SAAL1: variants seen among roughly 807,000 people sequenced by gnomAD.
SAAL1 encodes the protein serum amyloid A like 1.
In SAAL1, 42 loss-of-function variants were observed where a neutral mutation model predicts 59.8. The observed-to-expected ratio is 0.70, with a 90% CI of 0.55 to 0.91. The LOEUF (loss-of-function observed/expected upper bound fraction) is 0.91, where lower values mean the gene tolerates loss of function less well. Among genes scored for constraint, SAAL1 ranks in the 40% least tolerant of loss-of-function variants. SAAL1 has a pLI of 0.00. For missense variants in SAAL1, 542 were observed against 561.1 expected, an observed-to-expected ratio of 0.97 and a Z score of 0.34; for synonymous variants, 191 against 194.3, an observed-to-expected ratio of 0.98 and a Z score of 0.14.
At chr11:18,085,906 T>C (rs1250674366) in intron 9 of SAAL1, among the ~76,000 whole-genome samples, 1 of 152,208 alleles carries the variant, frequency 6.6e-6, no homozygotes, top group Non-Finnish European at 1.5e-5. Flanking sequence ...AAAGCCACAC[T>C]TCACATGTGA....
At chr11:18,104,008 C>T (rs2134067359) in intron 1 of SAAL1, among the ~76,000 whole-genome samples, 1 of 152,280 alleles carries the variant, frequency 6.6e-6, no homozygotes, top group East Asian at 1.9e-4. Context: ...GAATAATTAT[C>T]TTGTTTTTAT....
chr11:18,105,756 G>A lies in SAAL1; in HGVS notation c.135+151C>T, dbSNP rs530472144. 26 of 1,016,160 alleles carry A rather than the reference G, an allele frequency of 2.6e-5. No individual in the cohort carries two copies. The South Asian group carries it at 5.2e-4, about 20-fold the overall frequency. 62.9% of individuals were successfully genotyped at this position (1,016,160 alleles called of 1,614,324 possible). A position where few individuals can be genotyped will look rare whatever the true frequency, so the allele number is the denominator to read the frequency against. On this transcript the variant is annotated intron_variant, in intron 1 of 11. Coordinates refer to ENST00000524803, the MANE Select transcript of SAAL1 (RefSeq NM_138421.3). Reference sequence around the variant, plus strand: ...ATAGTTTTGGGGTCCGCAGCGGCCGGCGAAACGCAAGGAGCAAGGTCCCGC... The same window carrying A: ...ATAGTTTTGGGGTCCGCAGCGGCCGACGAAACGCAAGGAGCAAGGTCCCGC...
intron 1 of SAAL1, among the ~76,000 whole-genome samples, chr11:18,104,032 A>G (rs1848663344): frequency 6.6e-6 from 1 of 152,168 alleles, no homozygotes; most frequent in South Asian, 2.1e-4. Context: ...CCTTTCCTAA[A>G]CGTATTATAG....
At chr11:18,088,466 A>C (rs1388405986) in intron 7 of SAAL1, among the ~76,000 whole-genome samples, 3 of 152,200 alleles carry the variant, frequency 2.0e-5, no homozygotes, top group African/African-American at 7.2e-5. Flanking sequence ...ACTTTGCAAA[A>C]ACAGCTTTAA....
At chr11:18,100,821 AT>A (rs1848626102) in intron 2 of SAAL1, among the ~76,000 whole-genome samples, 1 of 152,246 alleles carries the variant, frequency 6.6e-6, no homozygotes. Context: ...AAGCAAAAAA[AT>A]AAACTTCATC....
At position 18,096,836 on chromosome 11, in the gene SAAL1, G is replaced by T; in HGVS notation, c.268C>A (p.Gln90Lys). The T allele has an allele frequency of 6.3e-7, 1 of 1,578,364 alleles. No homozygotes were observed. The highest frequency in any genetic ancestry group is 1.7e-4 in the Middle Eastern group (1 of 5,994). ...SMDEDVALFL[Q>K]EFNAPDIFMG... is the part of the protein sequence containing the mutation. Reference sequence around the variant, plus strand: ...AATATATCAGGAGCATTAAATTCTTGGAGAAATAAAGCCACGTCCTGAAAA... The same window carrying T: ...AATATATCAGGAGCATTAAATTCTTTGAGAAATAAAGCCACGTCCTGAAAA... Residue 90 changes from glutamine to lysine, a missense_variant, in exon 3 of 12, where the codon CAA becomes AAA. Transcript: ENST00000524803.
chr11:18,093,047 C>T (rs866766479), intron 3 of SAAL1, among the ~76,000 whole-genome samples: 1 of 152,110 alleles, frequency 6.6e-6, no homozygotes, highest in Admixed American at 6.5e-5. Context: ...AATCTTGCAC[C>T]GTCTCACCCA....
chr11:18,098,826 T>C (rs117402174), intron 2 of SAAL1, among the ~76,000 whole-genome samples: 1,556 of 152,378 alleles, frequency 0.01, 9 homozygotes, highest in Middle Eastern at 0.024. Flanking sequence ...TTAATGGTAA[T>C]TCCTGGAGTA....
intron 4 of SAAL1, among the ~76,000 whole-genome samples, chr11:18,091,818 TC>T (rs1484108316): frequency 1.3e-5 from 2 of 152,206 alleles, no homozygotes; most frequent in African/African-American, 4.8e-5. Context: ...CAACCCTTTA[TC>T]TTCCAGTTGT....
intron 9 of SAAL1, among the ~76,000 whole-genome samples, chr11:18,084,746 C>T (rs143448317): frequency 1.3e-5 from 2 of 152,242 alleles, no homozygotes; most frequent in African/African-American, 4.8e-5. Flanking sequence ...ATTAATATTT[C>T]CTTAAATGGT....
At position 18,089,501 on chromosome 11, in the gene SAAL1, A is replaced by G. The variant is rs549738124; in HGVS notation, c.599T>C (p.Leu200Pro). ...GTCCACAACCTCCCCCACCTTCACC[A>G]GCAAGTCAACTGCAGAGAATAAAAC... ...IMSSSTNVDL[L>P]VKVGEVVDKL... is the part of the protein sequence containing the mutation. The change falls in exon 7 of 12, where the codon CTG (leucine) becomes CCG (proline). Residue 200 changes from leucine (L) to proline (P), a missense_variant. Leu to Pro is a moderately conservative substitution (Grantham distance 98, BLOSUM62 -3). Coordinates refer to ENST00000524803, the MANE Select transcript of SAAL1 (RefSeq NM_138421.3). 3 of 1,611,074 alleles carry G rather than the reference A, an allele frequency of 1.9e-6. No homozygotes were observed.
intron 7 of SAAL1, among the ~76,000 whole-genome samples, chr11:18,088,194 C>T (rs763333371): frequency 2.0e-5 from 3 of 152,162 alleles, no homozygotes; most frequent in Non-Finnish European, 4.4e-5. Context: ...GCTACTGGGT[C>T]CATAAGCTGT....
chr11:18,089,699 C>CA (rs1848501532), intron 6 of SAAL1, among the ~76,000 whole-genome samples, 189 bp from the exon 7 acceptor site: 1 of 152,086 alleles, frequency 6.6e-6, no homozygotes, highest in African/African-American at 2.4e-5. Flanking sequence ...AGGAATTTAT[C>CA]AGTGTCCCAG....
chr11:18,089,368 C>A lies in SAAL1; in HGVS notation c.732G>T (p.Arg244=). ...CAGCTTCAAGTATACAGGGCACAAG[C>A]CGAAACACTGGCTGCTCTTCAGACT... The part of the protein sequence containing the change: ...QEESEEQPVF[R]LVPCILEAAK... The change falls in exon 7 of 12, where the codon CGG becomes CGT. Residue 244 remains arginine, a synonymous_variant. Transcript: ENST00000524803. 1 of 1,593,504 alleles carries A rather than the reference C, an allele frequency of 6.3e-7. No individual in the cohort carries two copies. The highest frequency in any genetic ancestry group is 8.5e-7 in the Non-Finnish European group (1 of 1,173,744).
At chr11:18,105,482 GT>G (rs1383602398) in intron 1 of SAAL1, among the ~76,000 whole-genome samples, 1 of 151,698 alleles carries the variant, frequency 6.6e-6, no homozygotes, top group African/African-American at 2.4e-5. Context: ...CAGAAGCCAC[GT>G]TTTTAATATA....
intron 3 of SAAL1, among the ~76,000 whole-genome samples, chr11:18,092,684 T>C (rs1044707314): frequency 6.6e-6 from 1 of 152,184 alleles, no homozygotes; most frequent in African/African-American, 2.4e-5. Flanking sequence ...TGGCGAATAC[T>C]GTAGACAATA....
At chr11:18,105,883 C>T (rs768995351) in intron 1 of SAAL1, 24 bp downstream of exon 1, 1 of 1,573,184 alleles carries the variant, frequency 6.4e-7, no homozygotes, top group Admixed American at 1.9e-5. Flanking sequence ...AGGGACACCC[C>T]ACGCGTGGCG....
chr11:18,081,713 C>T, intron 10 of SAAL1: 2 of 527,778 alleles, frequency 3.8e-6, no homozygotes, highest in South Asian at 5.3e-5. Context: ...CACCATCCAC[C>T]CTGCTACACA....
At chr11:18,086,082 A>G (rs1848460906) in intron 9 of SAAL1, among the ~76,000 whole-genome samples, 1 of 152,246 alleles carries the variant, frequency 6.6e-6, no homozygotes. Flanking sequence ...TGGTAAGATT[A>G]CAAACATCAT....
Sources: gnomAD v4.1 joint callset for allele counts (sites outside exome capture counted in the v4.1 genomes callset) on GRCh38, gnomAD v4.1.1 for gene constraint, MANE v1.5 for transcripts, NCBI Gene and HGNC (gene_info 2026-07-23, HGNC 2026-07-21) for gene names.